Variants in CTNNA3 observed in about 807,000 individuals in gnomAD.
The protein encoded by CTNNA3 is catenin alpha-3.
CTNNA3 carries 76 observed loss-of-function variants against 95.7 expected under a neutral mutation model. The ratio of observed to expected loss-of-function variants is 0.79; its 90% CI spans 0.66 to 0.96. The LOEUF (loss-of-function observed/expected upper bound fraction) is 0.96, where lower values mean the gene tolerates loss of function less well. CTNNA3 is among the 40% of genes least tolerant of loss of function. The pLI, the probability that CTNNA3 is intolerant of heterozygous loss-of-function variation, is 0.00. For missense variants in CTNNA3, 1,191 were observed against 1,089.8 expected (o/e 1.09, Z -1.31); for synonymous variants, 431 against 374.4 (o/e 1.15, Z -1.74).
intron 5 of CTNNA3, among the ~76,000 whole-genome samples, chr10:67,222,054 T>C (rs532695537): frequency 7.0e-4 from 106 of 152,150 alleles, no homozygotes; most frequent in Non-Finnish European, 1.3e-3. Context: ...AGTCTACTGA[T>C]TGCTAACCTT....
intron 2 of CTNNA3, among the ~76,000 whole-genome samples, chr10:67,646,140 A>G (rs1564806492): frequency 6.7e-6 from 1 of 149,110 alleles, no homozygotes; most frequent in African/African-American, 2.5e-5. Context: ...TGACATTCCA[A>G]TTTTTTTGTG....
At chr10:67,139,033 TA>T (rs1860421975) in intron 7 of CTNNA3, among the ~76,000 whole-genome samples, 1 of 152,180 alleles carries the variant, frequency 6.6e-6, no homozygotes, top group African/African-American at 2.4e-5. Flanking sequence ...TCAGGTACAA[TA>T]AAAAAGCTAC....
Position 67,132,672 on chromosome 10 carries a change from G to A in CTNNA3, c.1047+47645C>T, listed in dbSNP as rs562136695. ...TATATTAGGCAAGGAACCAACCTAAGTGTCCATCAACAGACGAATGGATAA... is the reference window on the plus strand; with the variant it reads ...TATATTAGGCAAGGAACCAACCTAAATGTCCATCAACAGACGAATGGATAA... On this transcript the variant is annotated intron_variant, in intron 7 of 17. Coordinates refer to ENST00000433211, the MANE Select transcript of CTNNA3 (RefSeq NM_013266.4). 9.2e-5 allele frequency among the ~76,000 whole-genome samples: 14 copies of A among 152,046 alleles called. No homozygotes were observed. In the South Asian group the frequency reaches 2.9e-3, roughly 32 times the overall value.
intron 9 of CTNNA3, among the ~76,000 whole-genome samples, chr10:66,698,662 C>A (rs879292987): frequency 3.3e-5 from 5 of 152,096 alleles, no homozygotes; most frequent in Non-Finnish European, 7.4e-5. Context: ...AATCTTATGA[C>A]AAAATGAAAT....
At chr10:66,199,788 TA>T (rs1564756042) in intron 13 of CTNNA3, among the ~76,000 whole-genome samples, 35 of 13,682 alleles carry the variant, frequency 2.6e-3, no homozygotes, top group East Asian at 7.4e-3. Flanking sequence ...TATATATATA[TA>T]TATATATATA....
At chr10:67,286,509 C>T (rs1839608886) in intron 5 of CTNNA3, among the ~76,000 whole-genome samples, 1 of 152,184 alleles carries the variant, frequency 6.6e-6, no homozygotes, top group Non-Finnish European at 1.5e-5. Context: ...TTATATAGCT[C>T]ATGTAAAGCA....
At chr10:67,194,820 G>T (rs1456651811) in intron 6 of CTNNA3, among the ~76,000 whole-genome samples, 1 of 151,808 alleles carries the variant, frequency 6.6e-6, no homozygotes, top group Non-Finnish European at 1.5e-5. Context: ...AGAACACAAT[G>T]AGGGGAATCT....
chr10:67,011,338 CAAA>C (rs764795305), intron 7 of CTNNA3, among the ~76,000 whole-genome samples: 2 of 62,364 alleles, frequency 3.2e-5, no homozygotes, highest in African/African-American at 5.9e-5. Flanking sequence ...AAGTCTGTCT[CAAA>C]AAAAAAAAAA....
intron 10 of CTNNA3, among the ~76,000 whole-genome samples, chr10:66,608,836 C>A (rs867785718): frequency 3.9e-5 from 6 of 152,160 alleles, no homozygotes; most frequent in African/African-American, 1.4e-4. Flanking sequence ...AATAAAAACC[C>A]TGGAAGACAA....
intron 12 of CTNNA3, among the ~76,000 whole-genome samples, chr10:66,310,660 G>C (rs1453497079): frequency 6.6e-6 from 1 of 150,680 alleles, no homozygotes. Context: ...TATTCCAGTT[G>C]AGCAATAATA....
chr10:66,985,062 G>A (rs747559539), intron 7 of CTNNA3, among the ~76,000 whole-genome samples: 3 of 152,098 alleles, frequency 2.0e-5, no homozygotes, highest in Non-Finnish European at 2.9e-5. Flanking sequence ...CTTTGTCTCA[G>A]ATTTTTCCGT....
chr10:66,878,191 C>T (rs1465115032), intron 7 of CTNNA3, among the ~76,000 whole-genome samples: 1 of 152,106 alleles, frequency 6.6e-6, no homozygotes, highest in Admixed American at 6.6e-5. Context: ...TCCTATCTTC[C>T]ACATTTTTCT....
chr10:67,268,892 TA>T (rs1564524438), intron 5 of CTNNA3, among the ~76,000 whole-genome samples: 1 of 152,092 alleles, frequency 6.6e-6, no homozygotes, highest in Non-Finnish European at 1.5e-5. Flanking sequence ...AGCCATGCAA[TA>T]ATAACTACTA....
At chr10:66,155,265 T>C (rs1417985470) in intron 13 of CTNNA3, among the ~76,000 whole-genome samples, 2 of 151,774 alleles carry the variant, frequency 1.3e-5, no homozygotes, top group African/African-American at 4.8e-5. Context: ...TAGGTATTGA[T>C]ATGAGAACTC....
chr10:67,427,259 TGAG>T (rs2132885053), intron 5 of CTNNA3, among the ~76,000 whole-genome samples: 1 of 151,670 alleles, frequency 6.6e-6, no homozygotes, highest in Non-Finnish European at 1.5e-5. Context: ...CTCCCAAGAG[TGAG>T]GAGATCTGCT....
intron 5 of CTNNA3, among the ~76,000 whole-genome samples, chr10:67,370,264 C>A (rs1843374102): frequency 6.6e-6 from 1 of 151,942 alleles, no homozygotes. Context: ...CAGGTTTCAT[C>A]ATTTTACTTT....
At chr10:67,701,773 C>T (rs1015135661) in intron 1 of CTNNA3, among the ~76,000 whole-genome samples, 70 of 151,916 alleles carry the variant, frequency 4.6e-4, no homozygotes, top group African/African-American at 1.6e-3. Flanking sequence ...TCACACATAA[C>T]AATATTAACT....
chr10:66,261,533 T>C (rs903382829), intron 13 of CTNNA3, among the ~76,000 whole-genome samples: 2 of 152,092 alleles, frequency 1.3e-5, no homozygotes, highest in African/African-American at 4.8e-5. Flanking sequence ...TTTCTGTTAG[T>C]ATGAACTTAT....
rs138951699 is a variant in CTNNA3, at chr10:66,404,697, C to T, written c.1532-25345G>A. 2.0e-5 allele frequency among the ~76,000 whole-genome samples: 3 copies of T among 152,112 alleles called. No individual in the cohort carries two copies. In the East Asian group the frequency reaches 5.8e-4, roughly 29 times the overall value. On this transcript the variant is annotated intron_variant, in intron 11 of 17. Coordinates refer to ENST00000433211, the MANE Select transcript of CTNNA3 (RefSeq NM_013266.4). ...GGTCAGACTTCTCCAACCTGCAGCCCTGTGGCCCAGGACAGCTTTGAATGT... is the reference window on the plus strand; with the variant it reads ...GGTCAGACTTCTCCAACCTGCAGCCTTGTGGCCCAGGACAGCTTTGAATGT...
Sources: gnomAD v4.1 joint callset for allele counts (sites outside exome capture counted in the v4.1 genomes callset) on GRCh38, gnomAD v4.1.1 for gene constraint, MANE v1.5 for transcripts, NCBI Gene and HGNC (gene_info 2026-07-23, HGNC 2026-07-21) for gene names.